Variants in CEP170 observed in about 807,000 individuals in gnomAD.
CEP170 encodes centrosomal protein 170, also known as centrosomal protein of 170 kDa.
CEP170 carries 21 observed loss-of-function variants against 151.9 expected under a neutral mutation model. The observed-to-expected ratio is 0.14, with a 90% CI of 0.10 to 0.20. The LOEUF (loss-of-function observed/expected upper bound fraction) is 0.20, where lower values mean the gene tolerates loss of function less well. Ranked by LOEUF, CEP170 falls within the 10% of genes least tolerant of loss-of-function variation. The pLI is 1.00. For missense variants in CEP170, 964 were observed against 1,892.9 expected, an observed-to-expected ratio of 0.51 and a Z score of 9.11; for synonymous variants, 356 against 648.8, an observed-to-expected ratio of 0.55 and a Z score of 6.86.
chr1:243,232,375 AT>A (rs1421156952), intron 1 of CEP170, among the ~76,000 whole-genome samples: 1 of 152,174 alleles, frequency 6.6e-6, no homozygotes, highest in Non-Finnish European at 1.5e-5. Context: ...CATTTAGGAA[AT>A]CTCAAAGAGT....
At chr1:243,253,880 C>T (rs1467965356) in intron 1 of CEP170, among the ~76,000 whole-genome samples, 1 of 152,152 alleles carries the variant, frequency 6.6e-6, no homozygotes, top group Non-Finnish European at 1.5e-5. Context: ...TCCCAAATGG[C>T]TGAATTTTCA....
At chr1:243,229,994 T>C (rs1371487069) in intron 1 of CEP170, among the ~76,000 whole-genome samples, 1 of 152,150 alleles carries the variant, frequency 6.6e-6, no homozygotes, top group African/African-American at 2.4e-5. Context: ...ACAAGTAAGA[T>C]TCAGCAATCC....
In CEP170 at chr1:243,185,788, C is replaced by A. The variant is rs2148715206; in HGVS notation, c.1557G>T (p.Met519Ile). 6.3e-7 allele frequency: 1 copy of A among 1,592,832 alleles called. No individual in the cohort carries two copies. Among genetic ancestry groups the A allele is most frequent in the Non-Finnish European group, 8.5e-7 (1 of 1,170,130 alleles). Residue 519 changes from methionine (M) to isoleucine (I), a missense_variant, in exon 10 of 20, where the codon ATG becomes ATT. Transcript: ENST00000366542. This position sits in a 1 kb window ranked among gnomAD's most constrained non-coding sequence, Gnocchi z 4.9. Reference protein sequence around the residue: ...PNSEEVEARKMIDKVFGVDDN... With the variant: ...PNSEEVEARKIIDKVFGVDDN... Reference sequence around the variant, plus strand: ...AATTTCAATTATTTACCTTGTCAATCATTTTTCTTGCTTCCACTTCCTCAC... The same window carrying A: ...AATTTCAATTATTTACCTTGTCAATAATTTTTCTTGCTTCCACTTCCTCAC...
intron 19 of CEP170, among the ~76,000 whole-genome samples, chr1:243,127,736 C>T (rs554782717): frequency 3.3e-5 from 5 of 152,368 alleles, no homozygotes; most frequent in African/African-American, 9.6e-5. Flanking sequence ...CATTAATGCA[C>T]AGCCCAGCTC....
intron 4 of CEP170, among the ~76,000 whole-genome samples, chr1:243,205,084 C>T (rs1439751391): frequency 1.3e-5 from 2 of 152,140 alleles, no homozygotes; most frequent in Non-Finnish European, 2.9e-5. Context: ...GAAGAATAAT[C>T]CAGACAGAGC....
At chr1:243,159,026 C>G (rs1432873673) in intron 13 of CEP170, among the ~76,000 whole-genome samples, 1 of 152,090 alleles carries the variant, frequency 6.6e-6, no homozygotes, top group Non-Finnish European at 1.5e-5. Flanking sequence ...GAGATCGCAC[C>G]ACTGCACTGT....
chr1:243,144,812 T>C (rs574726482), intron 14 of CEP170, among the ~76,000 whole-genome samples: 112 of 152,324 alleles, frequency 7.4e-4, no homozygotes, highest in Non-Finnish European at 1.3e-3. Context: ...TCCATTTTAT[T>C]ACAAAATATG....
At chr1:243,248,065 T>C (rs10926977) in intron 1 of CEP170, among the ~76,000 whole-genome samples, 1 of 152,174 alleles carries the variant, frequency 6.6e-6, no homozygotes, top group Non-Finnish European at 1.5e-5. Context: ...GGCCTCTTTA[T>C]GAGTAAAACT....
At chr1:243,221,113 C>T (rs1415765886) in intron 3 of CEP170, among the ~76,000 whole-genome samples, 1 of 152,180 alleles carries the variant, frequency 6.6e-6, no homozygotes, top group African/African-American at 2.4e-5. Context: ...CAAGCTCCGC[C>T]TCCCGGGTTC....
At chr1:243,227,820 C>G (rs75731336) in intron 1 of CEP170, among the ~76,000 whole-genome samples, 3,309 of 152,180 alleles carry the variant, frequency 0.022, 53 homozygotes, top group South Asian at 0.051. Flanking sequence ...TAAGGTTTAC[C>G]GAAGGCCTTT....
At chr1:243,182,719 G>C (rs973238509) in intron 10 of CEP170, among the ~76,000 whole-genome samples, 24 of 152,094 alleles carry the variant, frequency 1.6e-4, no homozygotes, top group African/African-American at 5.8e-4. Context: ...CGAATAGGCT[G>C]TTCCATATTT....
intron 1 of CEP170, among the ~76,000 whole-genome samples, chr1:243,245,035 G>A (rs910110495): frequency 2.0e-5 from 3 of 152,172 alleles, no homozygotes; most frequent in Admixed American, 2.0e-4. Flanking sequence ...AAATTTTACA[G>A]TATCTGTTAC....
chr1:243,137,466 G>C lies in CEP170; in HGVS notation c.4231-1235C>G, dbSNP rs148919146. Among the ~76,000 whole-genome samples, 1,373 of 152,236 alleles carry C rather than the reference G, an allele frequency of 9.0e-3. 25 individuals carry two copies. Among genetic ancestry groups the C allele is most frequent in the African/African-American group, 0.031 (1,299 of 41,556 alleles). On this transcript the variant is annotated intron_variant, in intron 16 of 19. Transcript: ENST00000366542. ...AACAAGAGACGTTCACATAAATTTTGGGACTCAGTGCTGCAAGAATTCTAA... is the reference window on the plus strand; with the variant it reads ...AACAAGAGACGTTCACATAAATTTTCGGACTCAGTGCTGCAAGAATTCTAA...
chr1:243,205,126 A>C (rs2061324157), intron 4 of CEP170, among the ~76,000 whole-genome samples: 1 of 152,218 alleles, frequency 6.6e-6, no homozygotes, highest in Admixed American at 6.5e-5. Flanking sequence ...GATGGAAATG[A>C]AGTCAAGAGT....
At chr1:243,137,816 G>C (rs1350123884) in intron 16 of CEP170, among the ~76,000 whole-genome samples, 1 of 150,548 alleles carries the variant, frequency 6.6e-6, no homozygotes, top group Non-Finnish European at 1.5e-5. Context: ...ATGAAAGAGA[G>C]TTCATTGATG....
chr1:243,234,519 C>A (rs1025412079), intron 1 of CEP170, among the ~76,000 whole-genome samples: 8 of 152,186 alleles, frequency 5.3e-5, no homozygotes, highest in Non-Finnish European at 7.4e-5. Context: ...AGCAGTAAAG[C>A]TTATCAACTG....
intron 1 of CEP170, among the ~76,000 whole-genome samples, chr1:243,251,054 T>TA (rs1426767597): frequency 6.6e-6 from 1 of 152,212 alleles, no homozygotes; most frequent in African/African-American, 2.4e-5. Flanking sequence ...AAAATCTAGC[T>TA]AATATATTGA....
intron 1 of CEP170, among the ~76,000 whole-genome samples, chr1:243,244,688 G>A (rs776630226): frequency 5.9e-5 from 9 of 152,104 alleles, no homozygotes; most frequent in Non-Finnish European, 1.0e-4. Context: ...CGAGGCTGCA[G>A]TGAATGGAGA....
intron 1 of CEP170, among the ~76,000 whole-genome samples, chr1:243,239,586 CT>C (rs2149115367): frequency 6.6e-6 from 1 of 152,326 alleles, no homozygotes; most frequent in South Asian, 2.1e-4. Flanking sequence ...CCATGTTACT[CT>C]GCTCCTCCCT....
Sources: gnomAD v4.1 joint callset for allele counts (sites outside exome capture counted in the v4.1 genomes callset) on GRCh38, gnomAD v4.1.1 for gene constraint, Gnocchi (gnomAD v3.1) non-coding constraint, MANE v1.5 for transcripts, NCBI Gene and HGNC (gene_info 2026-07-23, HGNC 2026-07-21) for gene names.